HIVEP3: variants seen among roughly 807,000 people sequenced by gnomAD.
The protein encoded by HIVEP3 is HIVEP zinc finger 3.
In HIVEP3, 49 loss-of-function variants were observed where a neutral mutation model predicts 152.8. The ratio of observed to expected loss-of-function variants is 0.32; its 90% CI spans 0.26 to 0.41. The LOEUF (loss-of-function observed/expected upper bound fraction) is 0.41, where lower values mean the gene tolerates loss of function less well. Among genes scored for constraint, HIVEP3 ranks in the 10% least tolerant of loss-of-function variants. HIVEP3 has a pLI of 1.00. For synonymous variants in HIVEP3, 1,269 were observed against 1,289.0 expected, an observed-to-expected ratio of 0.98 and a Z score of 0.33; for missense variants, 2,790 against 3,103.3, an observed-to-expected ratio of 0.90 and a Z score of 2.40.
At chr1:41,905,031 T>C (rs1468513560) in intron 1 of HIVEP3, among the ~76,000 whole-genome samples, 7 of 152,212 alleles carry the variant, frequency 4.6e-5, no homozygotes, top group Non-Finnish European at 2.9e-5. Flanking sequence ...CTAGTCAACA[T>C]AGGGCTTTTA....
At chr1:41,690,151 G>A (rs1269737422) in intron 2 of HIVEP3, among the ~76,000 whole-genome samples, 1 of 152,260 alleles carries the variant, frequency 6.6e-6, no homozygotes, top group Non-Finnish European at 1.5e-5. Context: ...GCTTATGGCA[G>A]GGGAGTGTGG....
At chr1:41,562,093 A>G (rs934719804) in intron 5 of HIVEP3, among the ~76,000 whole-genome samples, 4 of 152,252 alleles carry the variant, frequency 2.6e-5, no homozygotes, top group Non-Finnish European at 4.4e-5. Context: ...TGGACCTGGG[A>G]TAAACAAGCC....
At chr1:41,855,990 A>T (rs1267324969) in intron 1 of HIVEP3, among the ~76,000 whole-genome samples, 2 of 152,164 alleles carry the variant, frequency 1.3e-5, no homozygotes, top group South Asian at 2.1e-4. Context: ...GGTTCAAGTG[A>T]TCCTCCTGCC....
intron 1 of HIVEP3, among the ~76,000 whole-genome samples, chr1:41,931,279 G>A (rs1166263292): frequency 6.6e-6 from 1 of 151,828 alleles, no homozygotes; most frequent in Non-Finnish European, 1.5e-5. Flanking sequence ...TTTCTCAGTT[G>A]TTTTTTAAGG....
chr1:41,555,284 G>T (rs957779118), intron 5 of HIVEP3, among the ~76,000 whole-genome samples: 1 of 152,240 alleles, frequency 6.6e-6, no homozygotes, highest in East Asian at 1.9e-4. Context: ...GGCTCTGTGG[G>T]CATGGGACCT....
At chr1:41,599,037 G>A (rs1372927972) in intron 3 of HIVEP3, among the ~76,000 whole-genome samples, 1 of 151,876 alleles carries the variant, frequency 6.6e-6, no homozygotes, top group East Asian at 1.9e-4. Context: ...AGCTGGTCTT[G>A]AACTCCTGGG....
chr1:41,819,362 T>G (rs1642520282), intron 1 of HIVEP3, among the ~76,000 whole-genome samples: 1 of 152,138 alleles, frequency 6.6e-6, no homozygotes, highest in African/African-American at 2.4e-5. Flanking sequence ...AAAGAATTCT[T>G]TATCTTTTGT....
At chr1:41,526,375 C>T (rs1320345192) in intron 5 of HIVEP3, among the ~76,000 whole-genome samples, 10 of 145,410 alleles carry the variant, frequency 6.9e-5, no homozygotes, top group African/African-American at 1.0e-4. Flanking sequence ...CACCCTCACA[C>T]GCTCGCCCTC....
chr1:41,605,325 T>C (rs1023533578), intron 3 of HIVEP3, among the ~76,000 whole-genome samples: 14 of 150,868 alleles, frequency 9.3e-5, no homozygotes, highest in Middle Eastern at 3.4e-3. Flanking sequence ...GTACAATTGT[T>C]CCACATCTTG....
At chr1:41,762,109 T>C (rs1647725223) in intron 1 of HIVEP3, among the ~76,000 whole-genome samples, 4 of 152,274 alleles carry the variant, frequency 2.6e-5, no homozygotes, top group Admixed American at 2.0e-4. Context: ...CTTTTTTGCA[T>C]ACCCACAAAC....
At chr1:41,731,641 A>G (rs1646841430) in intron 1 of HIVEP3, among the ~76,000 whole-genome samples, 1 of 152,192 alleles carries the variant, frequency 6.6e-6, no homozygotes, top group Non-Finnish European at 1.5e-5. Flanking sequence ...CAGCCTATGG[A>G]GATGCCCATG....
intron 5 of HIVEP3, among the ~76,000 whole-genome samples, chr1:41,561,371 C>G (rs1644059608): frequency 6.6e-6 from 1 of 152,154 alleles, no homozygotes; most frequent in Admixed American, 6.5e-5. Context: ...ACCACATGAC[C>G]TCCCTCCCTG....
At chr1:41,625,642 G>A (rs1226341243) in intron 3 of HIVEP3, among the ~76,000 whole-genome samples, 1 of 152,200 alleles carries the variant, frequency 6.6e-6, no homozygotes, top group Non-Finnish European at 1.5e-5. Flanking sequence ...AGCTGAGATA[G>A]GAGGATCCCT....
At chr1:41,512,779 G>A (rs1642469185) in intron 8 of HIVEP3, 37 bp downstream of exon 8, 2 of 1,448,888 alleles carry the variant, frequency 1.4e-6, no homozygotes, top group Non-Finnish European at 1.8e-6. Flanking sequence ...GCACCCACAG[G>A]GGAGAAGCGG....
At chr1:41,813,498 G>A (rs1239504228) in intron 1 of HIVEP3, among the ~76,000 whole-genome samples, 3 of 152,124 alleles carry the variant, frequency 2.0e-5, no homozygotes, top group Non-Finnish European at 4.4e-5. Context: ...CCCACATACC[G>A]CCTTGCAATT....
chr1:41,508,287 G>A lies in HIVEP3; in HGVS notation c.*2164C>T, dbSNP rs531952021. On this transcript the variant is annotated 3_prime_UTR_variant, in exon 9 of 9. Coordinates refer to ENST00000372583, the MANE Select transcript of HIVEP3 (RefSeq NM_024503.5). ...CAGCTCCCAGACCTCAGCCCTTGAA[G>A]TCTCCAATCCGTGGGCAGTCCCATG... 1 of 152,376 alleles carries A rather than the reference G, an allele frequency of 6.6e-6. No homozygotes were observed. The highest frequency in any genetic ancestry group is 2.1e-4 in the South Asian group (1 of 4,834). The allele number at this position is 152,376 out of a possible 1,614,324, so 9.4% of individuals were successfully genotyped here. A position where few individuals can be genotyped will look rare whatever the true frequency, so the allele number is the denominator to read the frequency against.
At chr1:41,524,276 CAGG>C (rs1642840241) in intron 6 of HIVEP3, among the ~76,000 whole-genome samples, 2 of 151,958 alleles carry the variant, frequency 1.3e-5, no homozygotes, top group South Asian at 2.1e-4. Flanking sequence ...CGCGCTCTGG[CAGG>C]AGAAGAGAGC....
At chr1:41,637,197 T>C (rs1400017820) in intron 2 of HIVEP3, among the ~76,000 whole-genome samples, 1 of 152,158 alleles carries the variant, frequency 6.6e-6, no homozygotes, top group Non-Finnish European at 1.5e-5. Flanking sequence ...CATGCACACA[T>C]AGGGATGACC....
chr1:41,536,238 G>C (rs1002834884), intron 5 of HIVEP3, among the ~76,000 whole-genome samples: 2 of 152,080 alleles, frequency 1.3e-5, no homozygotes, highest in African/African-American at 4.8e-5. Flanking sequence ...CAGATGAATA[G>C]GCTATGAGGT....
Sources: allele counts gnomAD v4.1 joint callset (sites outside exome capture counted in the v4.1 genomes callset), GRCh38; gene constraint gnomAD v4.1.1; transcripts MANE v1.5; gene names NCBI Gene and HGNC (gene_info 2026-07-23, HGNC 2026-07-21).